CNOT2: variants seen among roughly 807,000 people sequenced by gnomAD.
CNOT2 encodes the protein CCR4-NOT transcription complex subunit 2.
A neutral mutation model predicts 72.1 loss-of-function variants in CNOT2; 7 were observed. The ratio of observed to expected loss-of-function variants is 0.10; its 90% CI spans 0.06 to 0.18. The LOEUF is 0.18. Among genes scored for constraint, CNOT2 ranks in the 10% least tolerant of loss-of-function variants. The probability of loss-of-function intolerance (pLI) is 1.00; values close to 1 mark genes in which losing one functional copy is unlikely to be tolerated. For missense variants in CNOT2, 345 were observed against 660.3 expected, an observed-to-expected ratio of 0.52 and a Z score of 5.23; for synonymous variants, 196 against 225.6, an observed-to-expected ratio of 0.87 and a Z score of 1.17.
At chr12:70,270,574 A>G (rs1959193155) in intron 1 of CNOT2, among the ~76,000 whole-genome samples, 1 of 152,088 alleles carries the variant, frequency 6.6e-6, no homozygotes, top group African/African-American at 2.4e-5. Context: ...CTTCCTCCTC[A>G]TAGGAAAATA....
chr12:70,250,884 T>A (rs1958111982), intron 1 of CNOT2, among the ~76,000 whole-genome samples: 1 of 152,150 alleles, frequency 6.6e-6, no homozygotes, highest in South Asian at 2.1e-4. Context: ...GTCTTTCACT[T>A]CAGAAAATAT....
At chr12:70,319,033 GT>G (rs1877843950) in intron 3 of CNOT2, 1 of 276,814 alleles carries the variant, frequency 3.6e-6, no homozygotes, top group South Asian at 1.1e-4. Flanking sequence ...TGAAAGAGTA[GT>G]GCTGCTGTAA....
chr12:70,329,552 C>A lies in CNOT2; in HGVS notation c.368C>A (p.Thr123Lys), dbSNP rs750913052. 6.2e-7 allele frequency: 1 copy of A among 1,609,836 alleles called. No individual in the cohort carries two copies. Among genetic ancestry groups the A allele is most frequent in the Admixed American group, 1.7e-5 (1 of 59,836 alleles). The stretch of plus-strand genomic sequence containing the variant: ...GGGGTACCAACAATGTCACTTCACA[C>A]GCCTCCATCTCCAAGCAGGTATTTA... ...TTGVPTMSLH[T>K]PPSPSRGILP... Residue 123 changes from threonine to lysine, a missense_variant, in exon 5 of 16, where the codon ACG becomes AAG. This residue lies in a region of CNOT2 where 157 missense variants were observed against 235.3 expected (regional missense o/e 0.67). Transcript: ENST00000229195.
At chr12:70,341,978 A>G in intron 11 of CNOT2, 129 bp from the exon 12 acceptor site, 2 of 708,482 alleles carry the variant, frequency 2.8e-6, no homozygotes, top group South Asian at 3.3e-5. Flanking sequence ...TGTATAAGTC[A>G]GTAAACCCAA....
intron 1 of CNOT2, among the ~76,000 whole-genome samples, chr12:70,266,380 C>T (rs1959047233): frequency 6.6e-6 from 1 of 152,188 alleles, no homozygotes; most frequent in African/African-American, 2.4e-5. Flanking sequence ...ACCTTGGCCT[C>T]CCAAAGTGCT....
chr12:70,256,560 TCTG>T (rs1414669710), intron 1 of CNOT2, among the ~76,000 whole-genome samples: 4 of 146,368 alleles, frequency 2.7e-5, no homozygotes, highest in African/African-American at 1.0e-4. Context: ...AATGTGAGGT[TCTG>T]CTGAAGGAGA....
chr12:70,301,994 A>G (rs767088028), intron 2 of CNOT2: 4 of 152,144 alleles, frequency 2.6e-5, no homozygotes, highest in Admixed American at 6.5e-5. Context: ...TAGATTTTCT[A>G]GTTTATTTGT....
At chr12:70,251,446 ATT>A (rs374796036) in intron 1 of CNOT2, among the ~76,000 whole-genome samples, 11 of 152,244 alleles carry the variant, frequency 7.2e-5, no homozygotes, top group African/African-American at 2.4e-4. Flanking sequence ...CCTTGATGGA[ATT>A]CTGGGACCTC....
At chr12:70,291,924 GA>G (rs1273814546) in intron 2 of CNOT2, among the ~76,000 whole-genome samples, 1 of 152,182 alleles carries the variant, frequency 6.6e-6, no homozygotes, top group Non-Finnish European at 1.5e-5. Flanking sequence ...GCGACAGAGT[GA>G]GACTCCGTCT....
intron 1 of CNOT2, among the ~76,000 whole-genome samples, chr12:70,262,052 A>T (rs1363551119): frequency 6.6e-6 from 1 of 151,910 alleles, no homozygotes; most frequent in African/African-American, 2.4e-5. Flanking sequence ...AGTTGTAGTA[A>T]TGTACTGTTT....
intron 4 of CNOT2, among the ~76,000 whole-genome samples, chr12:70,328,989 C>T (rs1346742900): frequency 6.6e-6 from 1 of 151,870 alleles, no homozygotes; most frequent in Non-Finnish European, 1.5e-5. Flanking sequence ...AAAGCTACTT[C>T]AGCAAAGCGG....
At chr12:70,353,558 A>G (rs1018098559) in intron 15 of CNOT2, among the ~76,000 whole-genome samples, 1 of 152,138 alleles carries the variant, frequency 6.6e-6, no homozygotes, top group Admixed American at 6.5e-5. Flanking sequence ...TAAAAACAAT[A>G]CACAACATTT....
intron 1 of CNOT2, among the ~76,000 whole-genome samples, chr12:70,262,252 G>T (rs1958805197): frequency 6.6e-6 from 1 of 151,778 alleles, no homozygotes; most frequent in African/African-American, 2.4e-5. Flanking sequence ...GGTTTAGTTT[G>T]CTCATCTTTT....
Position 70,335,547 on chromosome 12 carries a change from T to C in CNOT2, c.759T>C (p.Ala253=). 4 of 1,610,950 alleles carry C rather than the reference T, an allele frequency of 2.5e-6. No homozygotes were observed. Among genetic ancestry groups the C allele is most frequent in the South Asian group, 1.1e-5 (1 of 90,998 alleles). ...CAACTCCATTAATAAACCCCTTGGC[T>C]GGAAGAGCTCCTTATGGTAATTAAG... ...GNPTPLINPL[A]GRAPYVGMVT... is the part of the protein sequence containing the mutation. The change falls in exon 8 of 16, where the codon GCT becomes GCC. Residue 253 remains alanine, a synonymous_variant. Transcript: ENST00000229195.
At chr12:70,351,674 C>T (rs1427590205) in intron 15 of CNOT2, among the ~76,000 whole-genome samples, 1 of 152,098 alleles carries the variant, frequency 6.6e-6, no homozygotes, top group Non-Finnish European at 1.5e-5. Flanking sequence ...GTATAACTTA[C>T]CACTTTGTGG....
rs1881590122 is a variant in CNOT2, at chr12:70,342,113, C to T, written c.1185C>T (p.Leu395=). ...TCTTTTCCTCCTTATTCAGAAATCT[C>T]TACCCCAAATTTGCGTCACCCTGGG... is the stretch of plus-strand genomic sequence containing the variant. ...LGLNLNSPEN[L]YPKFASPWAS... Residue 395 remains leucine (L), a synonymous_variant, in exon 12 of 16, where the codon CTC becomes CTT. Transcript: ENST00000229195. The T allele has an allele frequency of 6.3e-7, 1 of 1,582,000 alleles. No individual in the cohort carries two copies. Among genetic ancestry groups the T allele is most frequent in the Admixed American group, 1.7e-5 (1 of 59,964 alleles).
intron 1 of CNOT2, among the ~76,000 whole-genome samples, chr12:70,255,784 T>C (rs1958410597): frequency 6.6e-6 from 1 of 152,332 alleles, no homozygotes; most frequent in East Asian, 1.9e-4. Flanking sequence ...TGCTATTCAA[T>C]TCTTTCATAT....
intron 7 of CNOT2, among the ~76,000 whole-genome samples, chr12:70,333,515 AG>A (rs2136036638): frequency 6.6e-6 from 1 of 151,968 alleles, no homozygotes; most frequent in South Asian, 2.1e-4. Context: ...CCCTTTCCTG[AG>A]AAAGGAAATA....
intron 6 of CNOT2, 50 bp downstream of exon 6, chr12:70,330,519 G>T: frequency 4.4e-6 from 6 of 1,357,594 alleles, no homozygotes; most frequent in Non-Finnish European, 6.1e-6. Context: ...GGTATACTCA[G>T]ATTTGCCTTT....
Sources: gnomAD v4.1 joint callset for allele counts (sites outside exome capture counted in the v4.1 genomes callset) on GRCh38, gnomAD v4.1.1 for gene constraint, gnomAD v4.1.1 regional missense constraint, MANE v1.5 for transcripts, NCBI Gene and HGNC (gene_info 2026-07-23, HGNC 2026-07-21) for gene names.